Variants in KIAA1217 observed in about 807,000 individuals in gnomAD.
KIAA1217 encodes the protein sickle tail protein homolog.
Under a neutral mutation model 163.9 loss-of-function variants are expected in KIAA1217, and 88 were observed. The ratio of observed to expected loss-of-function variants is 0.54; its 90% CI spans 0.45 to 0.64. The LOEUF is 0.64. KIAA1217 is among the 30% of genes least tolerant of loss of function. The pLI is 0.00. For missense variants in KIAA1217, 2,372 were observed against 2,475.0 expected (o/e 0.96, Z 0.88); for synonymous variants, 903 against 923.1 (o/e 0.98, Z 0.39).
rs76596662 is a variant in KIAA1217 at position 23,884,921 on chromosome 10, C to T, written c.-320-122304C>T. 3.7e-3 allele frequency among the ~76,000 whole-genome samples: 559 copies of T among 152,012 alleles called. 7 individuals are homozygous for T. The highest frequency in any genetic ancestry group is 0.012 in the African/African-American group (487 of 41,514). On this transcript the variant is annotated intron_variant, in intron 1 of 18. Coordinates refer to the KIAA1217 transcript ENST00000376462. The stretch of plus-strand genomic sequence containing the variant: ...CAGTTACTCATTAACTCCAGCACTC[C>T]ATCCTCAACTCACTAGAAGTTTAAT...
At chr10:23,949,737 G>A (rs1205281741) in intron 1 of KIAA1217, among the ~76,000 whole-genome samples, 1 of 152,146 alleles carries the variant, frequency 6.6e-6, no homozygotes, top group Non-Finnish European at 1.5e-5. Context: ...AAGTTGAAAA[G>A]TGTTCAGTGT....
chr10:24,088,459 C>A (rs1322174561), intron 2 of KIAA1217, among the ~76,000 whole-genome samples: 1 of 86,070 alleles, frequency 1.2e-5, no homozygotes, highest in Non-Finnish European at 3.0e-5. Context: ...CCCTACTCAA[C>A]AACAGGCCCC....
rs563425232 is a variant in KIAA1217, at chr10:24,065,449, G to A, written c.-171+58075G>A. Reference sequence around the variant, plus strand: ...TTGTTCAGTTTCCATGTAGTTGAGCGGTTTTGAGTGAGTTTCTTACTCCTG... The same window carrying A: ...TTGTTCAGTTTCCATGTAGTTGAGCAGTTTTGAGTGAGTTTCTTACTCCTG... On this transcript the variant is annotated intron_variant, in intron 2 of 18. Coordinates refer to the KIAA1217 transcript ENST00000376462. Among the ~76,000 whole-genome samples the A allele has an allele frequency of 4.1e-3, 625 of 152,100 alleles. 1 individual carries two copies. The highest frequency in any genetic ancestry group is 0.013 in the African/African-American group (550 of 41,510).
At chr10:24,208,121 C>CTTT (rs796178842), upstream of KIAA1217, among the ~76,000 whole-genome samples, 3 of 135,372 alleles carry the variant, frequency 2.2e-5, no homozygotes, top group African/African-American at 8.2e-5. Flanking sequence ...TTCCCATCCT[C>CTTT]TTTTTTTTTT....
At chr10:23,836,642 A>C (rs1206889615) in intron 1 of KIAA1217, among the ~76,000 whole-genome samples, 1 of 151,630 alleles carries the variant, frequency 6.6e-6, no homozygotes. Context: ...CGCACATTTT[A>C]GGCCAGGCTC....
intron 1 of KIAA1217, among the ~76,000 whole-genome samples, chr10:23,824,527 C>T (rs1312038879): frequency 4.2e-4 from 61 of 143,770 alleles, no homozygotes; most frequent in African/African-American, 1.6e-3. Flanking sequence ...ACTCAGGAGG[C>T]TGAGGCAGGA....
intron 1 of KIAA1217, among the ~76,000 whole-genome samples, chr10:23,941,463 G>C (rs112709734): frequency 2.0e-5 from 3 of 152,194 alleles, no homozygotes; most frequent in African/African-American, 7.2e-5. Flanking sequence ...ACATTGAATC[G>C]GACTAACATT....
chr10:24,288,035 G>A (rs1320319943), intron 2 of KIAA1217, among the ~76,000 whole-genome samples: 2 of 152,178 alleles, frequency 1.3e-5, no homozygotes, highest in African/African-American at 4.8e-5. Flanking sequence ...TAATCCTGCA[G>A]GTTGAAACTT....
chr10:23,928,194 G>A (rs914684352), intron 1 of KIAA1217, among the ~76,000 whole-genome samples: 6 of 152,134 alleles, frequency 3.9e-5, no homozygotes, highest in East Asian at 1.9e-4. Context: ...CAGCTCCTTC[G>A]AGCAGCACAG....
intron 3 of KIAA1217, among the ~76,000 whole-genome samples, chr10:24,402,528 C>CAAAAA (rs56323500): frequency 1.3e-5 from 1 of 77,214 alleles, no homozygotes; most frequent in Non-Finnish European, 3.1e-5. Flanking sequence ...AAAAACAAAA[C>CAAAAA]AAAAAAAAAA....
At chr10:24,340,649 A>T (rs1188518720) in intron 2 of KIAA1217, among the ~76,000 whole-genome samples, 2 of 152,082 alleles carry the variant, frequency 1.3e-5, no homozygotes, top group African/African-American at 4.8e-5. Flanking sequence ...CCATCACAGG[A>T]CTAAAGCCAG....
intron 1 of KIAA1217, among the ~76,000 whole-genome samples, chr10:23,827,121 G>T (rs1205912674): frequency 6.6e-6 from 1 of 152,176 alleles, no homozygotes; most frequent in Non-Finnish European, 1.5e-5. Flanking sequence ...AACCTATAGT[G>T]ATTCTCAACC....
chr10:24,204,447 C>T (rs1471330346), upstream of KIAA1217, among the ~76,000 whole-genome samples: 2 of 152,100 alleles, frequency 1.3e-5, no homozygotes, highest in Admixed American at 6.5e-5. Flanking sequence ...GAGGCTCACA[C>T]CTTTGCTCTA....
chr10:24,114,904 C>T (rs1337127284), intron 2 of KIAA1217, among the ~76,000 whole-genome samples: 1 of 152,174 alleles, frequency 6.6e-6, no homozygotes, highest in African/African-American at 2.4e-5. Context: ...CTTTTTGGAG[C>T]ATAACAAGTT....
At chr10:23,821,628 G>T (rs189397794) in intron 1 of KIAA1217, among the ~76,000 whole-genome samples, 2 of 152,220 alleles carry the variant, frequency 1.3e-5, no homozygotes, top group African/African-American at 4.8e-5. Flanking sequence ...TCCATCTACC[G>T]ATTCACACAT....
intron 5 of KIAA1217, among the ~76,000 whole-genome samples, chr10:24,444,063 T>C (rs996654228): frequency 4.6e-5 from 7 of 152,216 alleles, no homozygotes; most frequent in Non-Finnish European, 5.9e-5. Context: ...CGGGCTGGAG[T>C]GCAGTGGTGC....
intron 2 of KIAA1217, among the ~76,000 whole-genome samples, chr10:24,259,647 G>A (rs564680670): frequency 1.3e-5 from 2 of 152,294 alleles, no homozygotes; most frequent in Non-Finnish European, 2.9e-5. Context: ...CGGTGAAAGC[G>A]AGTCCTGCTC....
intron 2 of KIAA1217, among the ~76,000 whole-genome samples, chr10:24,096,442 G>A (rs1052042327): frequency 2.0e-5 from 3 of 152,204 alleles, no homozygotes; most frequent in East Asian, 1.9e-4. Context: ...CCTCCTTCAC[G>A]TTGCAGCTGG....
intron 2 of KIAA1217, among the ~76,000 whole-genome samples, chr10:24,306,804 T>G (rs1328978432): frequency 6.6e-6 from 1 of 152,252 alleles, no homozygotes; most frequent in Non-Finnish European, 1.5e-5. Flanking sequence ...TTTCACAGTT[T>G]GGAATGTGAT....
Sources: allele counts gnomAD v4.1 joint callset (sites outside exome capture counted in the v4.1 genomes callset), GRCh38; gene constraint gnomAD v4.1.1; transcripts MANE v1.5; gene names NCBI Gene and HGNC (gene_info 2026-07-23, HGNC 2026-07-21).